Variants in GRK3 observed in about 807,000 individuals in gnomAD.
GRK3 encodes G protein-coupled receptor kinase 3.
In GRK3, 54 loss-of-function variants were observed where a neutral mutation model predicts 95.7. The observed-to-expected ratio is 0.56, with a 90% CI of 0.45 to 0.71. The LOEUF is 0.71. Ranked by LOEUF, GRK3 falls within the 30% of genes least tolerant of loss-of-function variation. The pLI, the probability that GRK3 is intolerant of heterozygous loss-of-function variation, is 0.00. For synonymous variants in GRK3, 281 were observed against 290.8 expected (o/e 0.97, Z 0.34); for missense variants, 649 against 851.2 (o/e 0.76, Z 2.96).
intron 7 of GRK3, 26 bp downstream of exon 7, chr22:25,672,373 A>AT (rs1371117097): frequency 3.2e-6 from 4 of 1,263,474 alleles, no homozygotes; most frequent in African/African-American, 3.0e-5. Context: ...TTCTTTTTTC[A>AT]TTTTTTAAAT....
Position 25,726,912 on chromosome 22 carries a change from C to CGTGT in GRK3, c.*4504_*4507dup, listed in dbSNP as rs3223258. ...TTACCAGGCCATCTCCAAAACACCC[C>CGTGT]GTGTGTGTGTGTGTGTGTGTGTGTG... On this transcript the variant is annotated 3_prime_UTR_variant, in exon 21 of 21. Transcript: ENST00000324198. 0.1 allele frequency: 13,962 copies of CGTGT among 137,832 alleles called. 721 individuals carry two copies. The highest frequency in any genetic ancestry group is 0.16 in the East Asian group (691 of 4,398). 8.5% of individuals were successfully genotyped at this position (137,832 alleles called of 1,614,324 possible).
intron 3 of GRK3, chr22:25,648,430 C>A: frequency 1.6e-6 from 2 of 1,283,770 alleles, no homozygotes; most frequent in Admixed American, 1.7e-5. Flanking sequence ...CCTTGATAAT[C>A]TTTGCGACTA....
At chr22:25,602,028 A>G (rs1176101087) in intron 1 of GRK3, among the ~76,000 whole-genome samples, 1 of 152,214 alleles carries the variant, frequency 6.6e-6, no homozygotes, top group African/African-American at 2.4e-5. Context: ...CCTGAAGAAA[A>G]TGAAGAGCTG....
intron 8 of GRK3, among the ~76,000 whole-genome samples, chr22:25,675,402 C>A (rs2085020272): frequency 6.6e-6 from 1 of 151,950 alleles, no homozygotes; most frequent in South Asian, 2.1e-4. Context: ...TGCATCTGAG[C>A]TGGGTAGAAG....
Position 25,644,664 on chromosome 22 carries a change from A to T in GRK3, c.263A>T (p.Glu88Val), listed in dbSNP as rs1156425001. The stretch of plus-strand genomic sequence containing the variant: ...GTACCTCAGGTGAAGTTTTATGAAG[A>T]GGTAAGAAGTAACTGTTTTACTGAT... ...EAVPQVKFYE[E>V]IKEYEKLDNE... Residue 88 changes from glutamate (E) to valine (V), a missense_variant and splice_region_variant, in exon 3 of 21, where the codon GAG (glutamate) becomes GTG (valine). Around this residue, in one of 3 missense-constraint regions of GRK3, gnomAD observed 206 missense variants for 231.4 expected, o/e 0.89. Coordinates refer to ENST00000324198, the MANE Select transcript of GRK3 (RefSeq NM_005160.4). 1 of 1,526,228 alleles carries T rather than the reference A, an allele frequency of 6.6e-7. No individual in the cohort carries two copies. Among genetic ancestry groups the T allele is most frequent in the Non-Finnish European group, 9.0e-7 (1 of 1,110,578 alleles). 94.5% of individuals were successfully genotyped at this position (1,526,228 alleles called of 1,614,324 possible). A position where few individuals can be genotyped will look rare whatever the true frequency, so the allele number is the denominator to read the frequency against.
At chr22:25,689,940 C>T (rs1285073252) in intron 11 of GRK3, among the ~76,000 whole-genome samples, 1 of 152,196 alleles carries the variant, frequency 6.6e-6, no homozygotes, top group East Asian at 1.9e-4. Context: ...GTGTTACCTG[C>T]CCCATGTTTC....
chr22:25,711,279 A>G, intron 17 of GRK3, 116 bp downstream of exon 17: 1 of 563,934 alleles, frequency 1.8e-6, no homozygotes, highest in Non-Finnish European at 3.0e-6. Context: ...TAACTTACAA[A>G]TGAGTATCAA....
At chr22:25,566,316 A>G (rs745760620) in intron 1 of GRK3, among the ~76,000 whole-genome samples, 13 of 152,248 alleles carry the variant, frequency 8.5e-5, no homozygotes, top group Admixed American at 1.3e-4. Context: ...TGAAATCATC[A>G]GTCCTTCAAG....
chr22:25,628,151 A>G (rs530654656), intron 2 of GRK3, among the ~76,000 whole-genome samples: 2 of 152,312 alleles, frequency 1.3e-5, no homozygotes, highest in African/African-American at 4.8e-5. Flanking sequence ...CTGAAATGTT[A>G]TTTTGTTATC....
chr22:25,661,184 A>G (rs896259164), intron 3 of GRK3, among the ~76,000 whole-genome samples: 6 of 152,206 alleles, frequency 3.9e-5, no homozygotes, highest in African/African-American at 1.4e-4. Context: ...GAGTGAGAAC[A>G]TTCCCTATCC....
intron 1 of GRK3, among the ~76,000 whole-genome samples, chr22:25,566,181 A>G (rs1028790324): frequency 6.6e-6 from 1 of 152,182 alleles, no homozygotes; most frequent in African/African-American, 2.4e-5. Flanking sequence ...TGTACAGCTA[A>G]TGTGATTCCT....
At chr22:25,683,818 C>G (rs1400814949) in intron 9 of GRK3, among the ~76,000 whole-genome samples, 6 of 152,054 alleles carry the variant, frequency 3.9e-5, no homozygotes, top group Non-Finnish European at 8.8e-5. Context: ...CATCCTGTGG[C>G]TTGTCTTTTT....
At chr22:25,695,518 T>G (rs952983749) in intron 13 of GRK3, among the ~76,000 whole-genome samples, 5 of 152,216 alleles carry the variant, frequency 3.3e-5, no homozygotes, top group African/African-American at 1.2e-4. Context: ...TAGGAATAAG[T>G]ATTGTTTTGA....
At chr22:25,693,469 G>T (rs1275749464) in intron 12 of GRK3, among the ~76,000 whole-genome samples, 1 of 152,128 alleles carries the variant, frequency 6.6e-6, no homozygotes, top group Non-Finnish European at 1.5e-5. Context: ...GACTTTCCAG[G>T]CAACCCTGAA....
In GRK3 at chr22:25,687,585, A is replaced by G; in HGVS notation, c.875A>G (p.Lys292Arg). 9 of 1,614,088 alleles carry G rather than the reference A, an allele frequency of 5.6e-6. No individual in the cohort carries two copies. The highest frequency in any genetic ancestry group is 5.9e-6 in the Non-Finnish European group (7 of 1,179,926). Residue 292 changes from lysine (K) to arginine (R), a missense_variant, in exon 11 of 21, where the codon AAG (lysine) becomes AGG (arginine). Lys to Arg is a conservative substitution (Grantham distance 26, BLOSUM62 2). This residue lies in a region of GRK3 where 382 missense variants were observed against 493.8 expected (regional missense o/e 0.77). Transcript: ENST00000324198. The part of the protein sequence containing the change: ...HLSQHGVFSE[K>R]EMRFYATEII... ...TCACAACACGGTGTGTTCTCTGAGA[A>G]GGAGATGCGGTTTTATGCCACTGAA...
chr22:25,652,008 ATAAT>A (rs2084834962), intron 3 of GRK3, among the ~76,000 whole-genome samples: 1 of 152,224 alleles, frequency 6.6e-6, no homozygotes, highest in South Asian at 2.1e-4. Flanking sequence ...TGTTTTGTGG[ATAAT>A]TGAAATAAAA....
intron 2 of GRK3, among the ~76,000 whole-genome samples, chr22:25,625,648 C>G (rs1468917071): frequency 6.6e-6 from 1 of 152,148 alleles, no homozygotes; most frequent in South Asian, 2.1e-4. Flanking sequence ...CACAGTTATC[C>G]GGAGGCCTAA....
At chr22:25,715,207 C>T (rs1002473068) in intron 18 of GRK3, 1 of 152,174 alleles carries the variant, frequency 6.6e-6, no homozygotes, top group Non-Finnish European at 1.5e-5. Flanking sequence ...ATATTACAAA[C>T]AGCATTTTAA....
At chr22:25,596,095 T>C (rs1464913687) in intron 1 of GRK3, among the ~76,000 whole-genome samples, 1 of 152,120 alleles carries the variant, frequency 6.6e-6, no homozygotes, top group Non-Finnish European at 1.5e-5. Context: ...AATCATATCA[T>C]GGTAGGAATT....
Sources: gnomAD v4.1 joint callset for allele counts (sites outside exome capture counted in the v4.1 genomes callset) on GRCh38, gnomAD v4.1.1 for gene constraint, gnomAD v4.1.1 regional missense constraint, MANE v1.5 for transcripts, NCBI Gene and HGNC (gene_info 2026-07-23, HGNC 2026-07-21) for gene names.